PCDHGB3: variants seen among roughly 807,000 people sequenced by gnomAD.
The protein encoded by PCDHGB3 is protocadherin gamma-B3.
Under a neutral mutation model 59.2 loss-of-function variants are expected in PCDHGB3, and 40 were observed. That is an observed-to-expected ratio of 0.68 (90% CI 0.52 to 0.88). PCDHGB3 has a LOEUF of 0.88. Ranked by LOEUF, PCDHGB3 falls within the 40% of genes least tolerant of loss-of-function variation. PCDHGB3 has a pLI of 0.00. For missense variants in PCDHGB3, 1,309 were observed against 1,187.9 expected (o/e 1.10, Z -1.50); for synonymous variants, 581 against 503.6 (o/e 1.15, Z -2.06).
intron 1 of PCDHGB3, chr5:141,414,950 TGACCAA>T (rs778670321): frequency 6.2e-7 from 1 of 1,614,030 alleles, no homozygotes; most frequent in South Asian, 1.1e-5. Context: ...GGCTACCTGG[TGACCAA>T]GGTGGTGGCG....
At chr5:141,389,603 C>T (rs1166074538) in intron 1 of PCDHGB3, 2 of 1,613,148 alleles carry the variant, frequency 1.2e-6, no homozygotes, top group Admixed American at 1.7e-5. Context: ...CTGCGCTCTT[C>T]GATATGGTGC....
rs1441582051 is a variant in PCDHGB3, at chr5:141,487,416, G to A, written c.2416-7391G>A. 1 of 1,614,088 alleles carries A rather than the reference G, an allele frequency of 6.2e-7. No individual in the cohort carries two copies. Among genetic ancestry groups the A allele is most frequent in the Admixed American group, 1.7e-5 (1 of 60,024 alleles). On this transcript the variant is annotated intron_variant, in intron 1 of 3. Coordinates refer to ENST00000576222, the MANE Select transcript of PCDHGB3 (RefSeq NM_018924.5). The surrounding 1 kb of genome is among the most constrained non-coding windows in gnomAD (Gnocchi z 5.0). ...AGGGAGGGGCTTCCCCCTTCCAATGGGATCCTCCGAATCCAGCTAGGGTCA... is the reference window on the plus strand; with the variant it reads ...AGGGAGGGGCTTCCCCCTTCCAATGAGATCCTCCGAATCCAGCTAGGGTCA...
intron 2 of PCDHGB3, among the ~76,000 whole-genome samples, chr5:141,499,738 A>G (rs1284003023): frequency 2.4e-5 from 3 of 127,268 alleles, no homozygotes; most frequent in South Asian, 2.4e-4. Flanking sequence ...TCTCTTGCCC[A>G]GGCTGTGGCA....
chr5:141,467,409 C>T (rs2099143590), intron 1 of PCDHGB3, among the ~76,000 whole-genome samples: 1 of 152,132 alleles, frequency 6.6e-6, no homozygotes, highest in South Asian at 2.1e-4. Context: ...GAAAGCCTTT[C>T]CCCACACCTA....
At chr5:141,415,401 G>A (rs1408496357) in intron 1 of PCDHGB3, 9 of 1,614,088 alleles carry the variant, frequency 5.6e-6, no homozygotes, top group East Asian at 2.2e-5. Context: ...TGTCCGGCTC[G>A]CACTTTGTGG....
At chr5:141,443,448 T>C (rs1205977008) in intron 1 of PCDHGB3, among the ~76,000 whole-genome samples, 1 of 152,210 alleles carries the variant, frequency 6.6e-6, no homozygotes, top group African/African-American at 2.4e-5. Context: ...GTTGCGCTCC[T>C]GTACTCCAGT....
At chr5:141,464,816 G>A (rs11167751) in intron 1 of PCDHGB3, among the ~76,000 whole-genome samples, 42,470 of 151,904 alleles carry the variant, frequency 0.28, 6,668 homozygotes, top group African/African-American at 0.43. Context: ...ATAGCTCACT[G>A]TAGCCTCGCA....
At position 141,384,871 on chromosome 5, in the gene PCDHGB3, G is replaced by A. The variant is rs769607351; in HGVS notation, c.2415+12062G>A. On this transcript the variant is annotated intron_variant, in intron 1 of 3. Coordinates refer to ENST00000576222, the MANE Select transcript of PCDHGB3 (RefSeq NM_018924.5). ...CGGTCAGCCTCCTCTGTCAGCCACC[G>A]TCACACTCACCGTGGCTGTGGCTGA... is the stretch of plus-strand genomic sequence containing the variant. 9 of 1,613,648 alleles carry A rather than the reference G, an allele frequency of 5.6e-6. No individual in the cohort carries two copies. Among genetic ancestry groups the A allele is most frequent in the South Asian group, 1.1e-5 (1 of 91,092 alleles).
chr5:141,393,111 C>A (rs762190466), intron 1 of PCDHGB3: 1 of 1,613,380 alleles, frequency 6.2e-7, no homozygotes, highest in African/African-American at 1.3e-5. Flanking sequence ...CGCTCAGAGC[C>A]CGCGGTGTCT....
At chr5:141,440,770 G>A (rs2098199385) in intron 1 of PCDHGB3, 1 of 152,176 alleles carries the variant, frequency 6.6e-6, no homozygotes, top group African/African-American at 2.4e-5. Flanking sequence ...CCATCCCTTA[G>A]TGCTAGCAGC....
chr5:141,457,045 C>T (rs1489830197), intron 1 of PCDHGB3, among the ~76,000 whole-genome samples: 1 of 152,198 alleles, frequency 6.6e-6, no homozygotes, highest in African/African-American at 2.4e-5. Context: ...GATAGTAAAA[C>T]TTTCATGCTT....
chr5:141,433,259 T>C (rs776486704), intron 1 of PCDHGB3: 3 of 1,380,658 alleles, frequency 2.2e-6, no homozygotes, highest in Non-Finnish European at 3.0e-6. Flanking sequence ...AGCGGTACGA[T>C]CATAGCTCAC....
At chr5:141,509,669 G>GAGAA (rs2099877764) in intron 3 of PCDHGB3, among the ~76,000 whole-genome samples, 1 of 152,180 alleles carries the variant, frequency 6.6e-6, no homozygotes, top group African/African-American at 2.4e-5. Flanking sequence ...CTGGGCCCCA[G>GAGAA]TTTCTTCTTC....
rs780541121 is a variant in PCDHGB3 at position 141,477,533 on chromosome 5, G to A, written c.2416-17274G>A. ...TTACATTGAAGAAAACAACCTCCCCGGGGCTCCAATACTAAACCTAAGTGT... is the reference window on the plus strand; with the variant it reads ...TTACATTGAAGAAAACAACCTCCCCAGGGCTCCAATACTAAACCTAAGTGT... On this transcript the variant is annotated intron_variant, in intron 1 of 3. Coordinates refer to ENST00000576222, the MANE Select transcript of PCDHGB3 (RefSeq NM_018924.5). This position sits in a 1 kb window ranked among gnomAD's most constrained non-coding sequence, Gnocchi z 4.9. The A allele has an allele frequency of 6.2e-7, 1 of 1,614,010 alleles. No individual in the cohort carries two copies. The highest frequency in any genetic ancestry group is 1.1e-5 in the South Asian group (1 of 91,066).
rs2099725414 is a variant in PCDHGB3, at chr5:141,491,703, GA to G, written c.2416-3103del. On this transcript the variant is annotated intron_variant, in intron 1 of 3. Coordinates refer to ENST00000576222, the MANE Select transcript of PCDHGB3 (RefSeq NM_018924.5). The surrounding 1 kb of genome is among the most constrained non-coding windows in gnomAD (Gnocchi z 6.9). ...ATACGCTGCGGGAGCGGAGCCAGGT[GA>G]GGGGCTCGGCGCCGCCCCGGGCGAC... is the stretch of plus-strand genomic sequence containing the variant. The G allele has an allele frequency of 3.7e-6, 6 of 1,611,396 alleles. No homozygotes were observed.
chr5:141,423,782 C>T (rs1458189260), intron 1 of PCDHGB3: 9 of 1,243,226 alleles, frequency 7.2e-6, no homozygotes, highest in Non-Finnish European at 9.3e-6. Flanking sequence ...ATATTTAGTT[C>T]ATATATATTT....
intron 1 of PCDHGB3, among the ~76,000 whole-genome samples, chr5:141,401,210 C>T (rs1038078572): frequency 3.9e-5 from 6 of 151,956 alleles, no homozygotes; most frequent in Non-Finnish European, 5.9e-5. Flanking sequence ...GGTGTGGTGG[C>T]GGGCGCCTGT....
At chr5:141,421,044 C>T (rs556562994) in intron 1 of PCDHGB3, 3 of 548,494 alleles carry the variant, frequency 5.5e-6, no homozygotes, top group African/African-American at 1.9e-5. Context: ...CTCCCTCCCC[C>T]GCCTCTACCA....
At chr5:141,501,606 G>A (rs2099810134) in intron 2 of PCDHGB3, among the ~76,000 whole-genome samples, 1 of 152,012 alleles carries the variant, frequency 6.6e-6, no homozygotes, top group African/African-American at 2.4e-5. Flanking sequence ...AGTTCCAGCT[G>A]TGTGACTCTG....
Sources: gnomAD v4.1 joint callset for allele counts (sites outside exome capture counted in the v4.1 genomes callset) on GRCh38, gnomAD v4.1.1 for gene constraint, Gnocchi (gnomAD v3.1) non-coding constraint, MANE v1.5 for transcripts, NCBI Gene and HGNC (gene_info 2026-07-23, HGNC 2026-07-21) for gene names.